GPC5: variants seen among roughly 807,000 people sequenced by gnomAD.
GPC5 encodes the protein glypican 5.
Under a neutral mutation model 53.9 loss-of-function variants are expected in GPC5, and 47 were observed. That is an observed-to-expected ratio of 0.87 (90% CI 0.69 to 1.11). GPC5 has a LOEUF of 1.11. GPC5 is among the 50% of genes most tolerant of loss of function. The pLI is 0.00. For synonymous variants in GPC5, 286 were observed against 263.3 expected, an observed-to-expected ratio of 1.09 and a Z score of -0.84; for missense variants, 748 against 713.1, an observed-to-expected ratio of 1.05 and a Z score of -0.56.
At chr13:91,643,970 A>G (rs2034496498) in intron 2 of GPC5, among the ~76,000 whole-genome samples, 1 of 27,724 alleles carries the variant, frequency 3.6e-5, no homozygotes, top group South Asian at 1.9e-3. Flanking sequence ...ATTAAAATTC[A>G]TATGTTAAGA....
intron 7 of GPC5, among the ~76,000 whole-genome samples, chr13:92,581,954 C>T (rs1883387721): frequency 6.6e-6 from 1 of 152,118 alleles, no homozygotes; most frequent in Admixed American, 6.6e-5. Flanking sequence ...GATATCAACG[C>T]ATTACCAGAT....
intron 5 of GPC5, among the ~76,000 whole-genome samples, chr13:91,778,831 AG>A (rs1193347683): frequency 6.6e-6 from 1 of 152,342 alleles, no homozygotes; most frequent in South Asian, 2.1e-4. Context: ...AATATTATAG[AG>A]TGTATCTATG....
At chr13:92,040,352 G>A (rs1431282741) in intron 6 of GPC5, among the ~76,000 whole-genome samples, 8 of 152,120 alleles carry the variant, frequency 5.3e-5, no homozygotes, top group African/African-American at 1.4e-4. Flanking sequence ...GTGAGTGTGC[G>A]CCGCAATAGA....
At chr13:92,766,240 C>T (rs1255068990) in intron 7 of GPC5, among the ~76,000 whole-genome samples, 1 of 152,136 alleles carries the variant, frequency 6.6e-6, no homozygotes, top group Non-Finnish European at 1.5e-5. Flanking sequence ...ATATTAAGAA[C>T]TCAAATTGCA....
At chr13:92,444,715 TAAAAAAA>T (rs71910602) in intron 7 of GPC5, among the ~76,000 whole-genome samples, 1 of 84,200 alleles carries the variant, frequency 1.2e-5, no homozygotes, top group Admixed American at 1.5e-4. Context: ...TCCTGAAATC[TAAAAAAA>T]AAAAAAAAAA....
intron 7 of GPC5, among the ~76,000 whole-genome samples, chr13:92,837,089 G>T (rs1002800614): frequency 2.6e-5 from 4 of 152,242 alleles, no homozygotes; most frequent in Admixed American, 6.5e-5. Context: ...AACCTTGCAA[G>T]CTTCCAGACT....
At chr13:91,968,109 T>G (rs952811128) in intron 6 of GPC5, among the ~76,000 whole-genome samples, 2 of 152,160 alleles carry the variant, frequency 1.3e-5, no homozygotes, top group African/African-American at 4.8e-5. Context: ...TATTTGCCTT[T>G]TATTTTGTTA....
intron 6 of GPC5, among the ~76,000 whole-genome samples, chr13:91,977,368 A>G (rs2040313138): frequency 6.6e-6 from 1 of 152,220 alleles, no homozygotes; most frequent in South Asian, 2.1e-4. Context: ...AATGTGGGGA[A>G]AAGGAAGAAA....
intron 7 of GPC5, among the ~76,000 whole-genome samples, chr13:92,149,861 TATGTA>T (rs2041894624): frequency 6.6e-6 from 1 of 151,966 alleles, no homozygotes; most frequent in Non-Finnish European, 1.5e-5. Context: ...TATAAAATGT[TATGTA>T]GTCTCATTGA....
At chr13:91,846,311 A>T (rs1460042349) in intron 5 of GPC5, among the ~76,000 whole-genome samples, 2 of 152,172 alleles carry the variant, frequency 1.3e-5, no homozygotes, top group Non-Finnish European at 2.9e-5. Context: ...GAAGAAAAAA[A>T]AACAGCAACT....
At chr13:92,034,823 T>C (rs2040880141) in intron 6 of GPC5, among the ~76,000 whole-genome samples, 2 of 152,178 alleles carry the variant, frequency 1.3e-5, no homozygotes, top group South Asian at 4.1e-4. Flanking sequence ...AAAAATTGTT[T>C]GGTAATTATT....
intron 2 of GPC5, among the ~76,000 whole-genome samples, chr13:91,680,294 C>G (rs1445206101): frequency 6.6e-6 from 1 of 152,092 alleles, no homozygotes; most frequent in Non-Finnish European, 1.5e-5. Flanking sequence ...ACTGAAAATA[C>G]AAAAATTAGC....
chr13:91,838,972 C>T (rs1267907037), intron 5 of GPC5, among the ~76,000 whole-genome samples: 2 of 151,618 alleles, frequency 1.3e-5, no homozygotes, highest in Middle Eastern at 6.9e-3. Context: ...CGTATATACT[C>T]AAGGTTTTTG....
chr13:91,433,218 A>T (rs150572429), intron 1 of GPC5, among the ~76,000 whole-genome samples: 5,408 of 145,464 alleles, frequency 0.037, 143 homozygotes, highest in Middle Eastern at 0.07. Context: ...TTTTAATTAT[A>T]CTTTAAGTTT....
chr13:92,849,573 G>C (rs1387507055), intron 7 of GPC5, among the ~76,000 whole-genome samples: 1 of 152,128 alleles, frequency 6.6e-6, no homozygotes, highest in Non-Finnish European at 1.5e-5. Context: ...CTTTCACTGG[G>C]AGAAAAGATG....
chr13:91,875,730 ATAAT>A, intron 5 of GPC5, among the ~76,000 whole-genome samples: 2 of 152,336 alleles, frequency 1.3e-5, no homozygotes, highest in East Asian at 3.9e-4. Context: ...TTATTTTGAA[ATAAT>A]TACAGACTCA....
chr13:91,719,148 A>G, intron 3 of GPC5, among the ~76,000 whole-genome samples: 1 of 152,204 alleles, frequency 6.6e-6, no homozygotes, highest in Non-Finnish European at 1.5e-5. Context: ...GCAAATGTCA[A>G]AGGATGGACA....
intron 7 of GPC5, among the ~76,000 whole-genome samples, chr13:92,625,016 C>G (rs1885001342): frequency 6.6e-6 from 1 of 152,154 alleles, no homozygotes; most frequent in Non-Finnish European, 1.5e-5. Flanking sequence ...TCTATCTAAT[C>G]CAGAGCTTGC....
chr13:92,217,593 TG>T (rs1205145978), intron 7 of GPC5, among the ~76,000 whole-genome samples: 2 of 152,224 alleles, frequency 1.3e-5, no homozygotes, highest in African/African-American at 2.4e-5. Flanking sequence ...GTATTCAGAG[TG>T]GAGCCCCGTG....
Sources: gnomAD v4.1 joint callset for allele counts (sites outside exome capture counted in the v4.1 genomes callset) on GRCh38, gnomAD v4.1.1 for gene constraint, MANE v1.5 for transcripts, NCBI Gene and HGNC (gene_info 2026-07-23, HGNC 2026-07-21) for gene names.